Variants in EML6 observed in about 807,000 individuals in gnomAD.
EML6 encodes EMAP like 6, also known as echinoderm microtubule-associated protein-like 6.
EML6 carries 154 observed loss-of-function variants against 240.1 expected under a neutral mutation model. The observed-to-expected ratio is 0.64, with a 90% CI of 0.56 to 0.73. The LOEUF is 0.73. EML6 is among the 30% of genes least tolerant of loss of function. The probability of loss-of-function intolerance (pLI) is 0.00; values close to 1 mark genes in which losing one functional copy is unlikely to be tolerated. For synonymous variants in EML6, 1,148 were observed against 899.0 expected, an observed-to-expected ratio of 1.28 and a Z score of -4.95; for missense variants, 2,964 against 2,474.6, an observed-to-expected ratio of 1.20 and a Z score of -4.20.
At chr2:54,954,900 C>T (rs1371553056) in intron 32 of EML6, among the ~76,000 whole-genome samples, 1 of 152,210 alleles carries the variant, frequency 6.6e-6, no homozygotes, top group Non-Finnish European at 1.5e-5. Flanking sequence ...CACGCTCTAC[C>T]AGGCAAGCGC....
chr2:54,828,812 T>C (rs1457163537), intron 6 of EML6, among the ~76,000 whole-genome samples: 1 of 152,270 alleles, frequency 6.6e-6, no homozygotes, highest in African/African-American at 2.4e-5. Flanking sequence ...ATTTCCCATG[T>C]GAAAATCTTC....
chr2:54,768,849 G>T (rs1668294635), intron 2 of EML6, among the ~76,000 whole-genome samples: 1 of 151,682 alleles, frequency 6.6e-6, no homozygotes, highest in Non-Finnish European at 1.5e-5. Flanking sequence ...ATGGGATTTT[G>T]GCTTCTATAT....
chr2:54,773,141 A>C (rs1299514880), intron 2 of EML6, among the ~76,000 whole-genome samples: 1 of 152,208 alleles, frequency 6.6e-6, no homozygotes, highest in Non-Finnish European at 1.5e-5. Context: ...GGGTGAGCTA[A>C]CTGTCCAGCT....
chr2:54,923,870 T>G (rs1674399183), intron 26 of EML6, among the ~76,000 whole-genome samples: 1 of 152,206 alleles, frequency 6.6e-6, no homozygotes, highest in African/African-American at 2.4e-5. Context: ...TTTAAGAATT[T>G]CATATAAATG....
intron 12 of EML6, among the ~76,000 whole-genome samples, chr2:54,860,808 C>G (rs1040932973): frequency 6.6e-6 from 1 of 152,186 alleles, no homozygotes; most frequent in Non-Finnish European, 1.5e-5. Context: ...AAGAATGCAG[C>G]TCCTCATTTC....
intron 10 of EML6, among the ~76,000 whole-genome samples, chr2:54,851,968 G>C (rs1277156171): frequency 1.3e-5 from 2 of 152,182 alleles, no homozygotes; most frequent in African/African-American, 2.4e-5. Flanking sequence ...TGCCAGAATA[G>C]AAAAGAATAG....
At chr2:54,810,741 C>G (rs1201565564) in intron 2 of EML6, among the ~76,000 whole-genome samples, 3 of 152,144 alleles carry the variant, frequency 2.0e-5, no homozygotes, top group African/African-American at 7.2e-5. Flanking sequence ...AATGCCTACT[C>G]TGCTGTATGA....
intron 28 of EML6, among the ~76,000 whole-genome samples, chr2:54,944,199 A>T (rs923616293): frequency 6.6e-6 from 1 of 152,132 alleles, no homozygotes; most frequent in Non-Finnish European, 1.5e-5. Context: ...CTCTCAGTGG[A>T]ACTTCCAACT....
At chr2:54,806,941 G>A (rs1670526572) in intron 2 of EML6, among the ~76,000 whole-genome samples, 1 of 152,112 alleles carries the variant, frequency 6.6e-6, no homozygotes, top group East Asian at 1.9e-4. Flanking sequence ...TGATGCACTT[G>A]TCACGGAACA....
At chr2:54,905,156 T>C (rs1673255018) in intron 24 of EML6, among the ~76,000 whole-genome samples, 1 of 152,078 alleles carries the variant, frequency 6.6e-6, no homozygotes, top group African/African-American at 2.4e-5. Context: ...GGCAGGGCAC[T>C]GTGACTTTAT....
intron 2 of EML6, among the ~76,000 whole-genome samples, chr2:54,777,947 G>T (rs1190943727): frequency 6.6e-6 from 1 of 152,012 alleles, no homozygotes; most frequent in Non-Finnish European, 1.5e-5. Context: ...AATACCACTG[G>T]TTCTATTTTA....
intron 2 of EML6, among the ~76,000 whole-genome samples, chr2:54,732,226 C>CT (rs1428001085): frequency 6.7e-6 from 1 of 149,908 alleles, no homozygotes; most frequent in Admixed American, 6.7e-5. Context: ...TATTTGCAGA[C>CT]TTTTTTCCCA....
intron 28 of EML6, among the ~76,000 whole-genome samples, chr2:54,938,198 T>A (rs543469113): frequency 6.6e-6 from 1 of 152,036 alleles, no homozygotes; most frequent in Non-Finnish European, 1.5e-5. Flanking sequence ...ATACAAAAAT[T>A]AGCTAGGCAT....
intron 10 of EML6, among the ~76,000 whole-genome samples, chr2:54,853,428 T>A (rs1456928003): frequency 8.4e-6 from 1 of 119,602 alleles, no homozygotes; most frequent in Non-Finnish European, 1.7e-5. Flanking sequence ...ATGCATCACC[T>A]GAATATTTCA....
Position 54,725,319 on chromosome 2 carries a change from G to T in EML6, c.197+61G>T. The T allele has an allele frequency of 2.3e-6, 3 of 1,287,100 alleles. No individual in the cohort carries two copies. The South Asian group carries it at 5.2e-5, about 22-fold the overall frequency. The allele number at this position is 1,287,100 out of a possible 1,614,324, so 79.7% of individuals were successfully genotyped here. ...CGTGTGGAGGCTGGGAAGGTGGGAA[G>T]CGGTTGACCTGGGGTCGGATCCGGG... On this transcript the variant is annotated intron_variant, in intron 2 of 41. Coordinates refer to ENST00000356458, the MANE Select transcript of EML6 (RefSeq NM_001039753.4). This position sits in a 1 kb window ranked among gnomAD's most constrained non-coding sequence, Gnocchi z 4.3.
chr2:54,770,787 C>G (rs145980134), intron 2 of EML6, among the ~76,000 whole-genome samples: 59 of 152,256 alleles, frequency 3.9e-4, no homozygotes, highest in African/African-American at 1.4e-3. Flanking sequence ...TGTGACTGCA[C>G]GCTTTTCCAG....
At chr2:54,932,624 G>T (rs550476096) in intron 28 of EML6, among the ~76,000 whole-genome samples, 2 of 152,258 alleles carry the variant, frequency 1.3e-5, no homozygotes, top group South Asian at 4.1e-4. Context: ...TTAAATATCA[G>T]AAAAGTTCCT....
At chr2:54,827,875 T>G in intron 6 of EML6, 124 bp downstream of exon 6, 1 of 651,116 alleles carries the variant, frequency 1.5e-6, no homozygotes, top group Non-Finnish European at 2.6e-6. Context: ...TCCCTACTCA[T>G]GATAATTTCC....
intron 20 of EML6, 104 bp from the exon 21 acceptor site, chr2:54,895,169 G>A: frequency 7.3e-7 from 1 of 1,367,858 alleles, no homozygotes; most frequent in Non-Finnish European, 1.0e-6. Context: ...GAAATGTCAA[G>A]GCTGACTGCC....
Sources: allele counts gnomAD v4.1 joint callset (sites outside exome capture counted in the v4.1 genomes callset), GRCh38; gene constraint gnomAD v4.1.1; non-coding constraint Gnocchi (gnomAD v3.1); transcripts MANE v1.5; gene names NCBI Gene and HGNC (gene_info 2026-07-23, HGNC 2026-07-21).